Variants in ZNF485 observed in about 807,000 individuals in gnomAD.
ZNF485 encodes the protein Zinc finger protein 93 (Zinc finger protein HTF34).
A neutral mutation model predicts 10.8 loss-of-function variants in ZNF485; 9 were observed. The observed-to-expected ratio is 0.83, with a 90% CI of 0.50 to 1.45. The LOEUF (loss-of-function observed/expected upper bound fraction) is 1.45, where lower values mean the gene tolerates loss of function less well. Among genes scored for constraint, ZNF485 ranks in the 40% most tolerant of loss-of-function variants. The pLI is 0.00. For missense variants in ZNF485, 487 were observed against 528.0 expected (o/e 0.92, Z 0.76); for synonymous variants, 187 against 181.0 (o/e 1.03, Z -0.27).
At chr10:43,608,479 C>G in intron 2 of ZNF485, 135 bp from the exon 3 acceptor site, 1 of 1,163,004 alleles carries the variant, frequency 8.6e-7, no homozygotes, top group East Asian at 2.6e-5. Flanking sequence ...TCCCCTGAGC[C>G]CTCAGCTTTT....
chr10:43,608,325 A>T (rs1838694125), intron 2 of ZNF485, among the ~76,000 whole-genome samples: 1 of 152,194 alleles, frequency 6.6e-6, no homozygotes, highest in Non-Finnish European at 1.5e-5. Context: ...ATGGGTTTCG[A>T]GACTGAGTGG....
In ZNF485 at chr10:43,608,685, G is replaced by A; in HGVS notation, c.96G>A (p.Gln32=). ...AGTGGAGACACCTGGATGCTGCTCA[G>A]CGGGCCCTGTACAGGGATGTGATGC... ...RIEWRHLDAA[Q]RALYRDVMLE... The change falls in exon 3 of 5, where the codon CAG becomes CAA. Residue 32 remains glutamine, a synonymous_variant. Transcript: ENST00000361807. 1.2e-6 allele frequency: 2 copies of A among 1,614,128 alleles called. No homozygotes were observed. Among genetic ancestry groups the A allele is most frequent in the Middle Eastern group, 1.6e-4 (1 of 6,062 alleles).
In ZNF485 at chr10:43,609,390, C is replaced by T. The variant is rs371377688; in HGVS notation, c.247+40C>T. The stretch of plus-strand genomic sequence containing the variant: ...AACATCCCAGCAGAAGCTGAGCACA[C>T]GGAGCAGTACGGGGGTTCCTGAGTG... On this transcript the variant is annotated intron_variant, in intron 4 of 4. Coordinates refer to ENST00000361807, the MANE Select transcript of ZNF485 (RefSeq NM_145312.4). The T allele has an allele frequency of 1.3e-5, 19 of 1,511,350 alleles. No homozygotes were observed. In the Admixed American group the frequency reaches 1.7e-4, roughly 13 times the overall value. The allele number at this position is 1,511,350 out of a possible 1,614,324, so 93.6% of individuals were successfully genotyped here. A position where few individuals can be genotyped will look rare whatever the true frequency, so the allele number is the denominator to read the frequency against.
At chr10:43,614,899 C>G (rs1267644590) in intron 4 of ZNF485, among the ~76,000 whole-genome samples, 4 of 152,268 alleles carry the variant, frequency 2.6e-5, no homozygotes, top group East Asian at 1.9e-4. Context: ...AGAATCTCCT[C>G]TTCCTCACTG....
chr10:43,606,491 G>A lies in ZNF485; in HGVS notation c.-110G>A, dbSNP rs1214239528. 2 of 377,664 alleles carry A rather than the reference G, an allele frequency of 5.3e-6. No individual in the cohort carries two copies. The highest frequency in any genetic ancestry group is 8.0e-5 in the Admixed American group (2 of 24,872). The allele number at this position is 377,664 out of a possible 1,614,324, so 23.4% of individuals were successfully genotyped here. On this transcript the variant is annotated 5_prime_UTR_variant, in exon 1 of 5. Coordinates refer to ENST00000361807, the MANE Select transcript of ZNF485 (RefSeq NM_145312.4). ...CTGGTGGTTACTGTCCGAACGGCGT[G>A]GTGTGGTCGCTGACTCTCTGGGCGT...
intron 4 of ZNF485, 70 bp from the exon 5 acceptor site, chr10:43,616,221 G>A (rs1295909290): frequency 8.0e-7 from 1 of 1,250,786 alleles, no homozygotes; most frequent in Admixed American, 2.3e-5. Flanking sequence ...CATTATTCAA[G>A]TCCTTGCACA....
intron 4 of ZNF485, among the ~76,000 whole-genome samples, chr10:43,611,014 G>C (rs935082415): frequency 2.6e-5 from 4 of 151,982 alleles, no homozygotes; most frequent in Admixed American, 2.6e-4. Context: ...ATTGTTTAGA[G>C]CTTCTCTCTC....
chr10:43,616,347 G>A lies in ZNF485; in HGVS notation c.304G>A (p.Ala102Thr), dbSNP rs1461653876. The change falls in exon 5 of 5, where the codon GCA becomes ACA. Residue 102 changes from alanine (A) to threonine (T), a missense_variant. Physicochemically the swap from Ala to Thr is moderately conservative, Grantham distance 58. Coordinates refer to ENST00000361807, the MANE Select transcript of ZNF485 (RefSeq NM_145312.4). Reference protein sequence around the residue: ...MSALKQSTSEASVLGERTKSV... With the variant: ...MSALKQSTSETSVLGERTKSV... ...AGCCCTAAAGCAAAGCACTTCTGAA[G>A]CATCTGTTCTGGGAGAGCGAACGAA... 3.1e-6 allele frequency: 5 copies of A among 1,610,370 alleles called. No individual in the cohort carries two copies. In the East Asian group the frequency reaches 1.1e-4, roughly 36 times the overall value.
intron 2 of ZNF485, 150 bp from the exon 3 acceptor site, chr10:43,608,464 G>C (rs569431170): frequency 2.0e-6 from 2 of 1,006,348 alleles, no homozygotes; most frequent in Admixed American, 5.4e-5. Context: ...GGGAGGAGTC[G>C]CACATCCCCT....
At chr10:43,607,779 C>T (rs778888984) in intron 2 of ZNF485, among the ~76,000 whole-genome samples, 13 of 152,244 alleles carry the variant, frequency 8.5e-5, no homozygotes, top group African/African-American at 2.9e-4. Context: ...TTAAGGCTTA[C>T]TCATTTTTTC....
intron 4 of ZNF485, among the ~76,000 whole-genome samples, chr10:43,609,703 A>T (rs1359409356): frequency 6.6e-6 from 1 of 151,374 alleles, no homozygotes; most frequent in Non-Finnish European, 1.5e-5. Context: ...ATATTTTTTG[A>T]GACAGTCTCG....
Position 43,617,165 on chromosome 10 carries a change from A to C in ZNF485, c.1122A>C (p.Arg374Ser). ...GCTCAACCCTTACTGGACATCAGAG[A>C]ATTCATACTGGAGAAAAACCCTATC... ...TKSSTLTGHQ[R>S]IHTGEKPYHC... The change falls in exon 5 of 5, where the codon AGA (arginine) becomes AGC (serine). Residue 374 changes from arginine to serine, a missense_variant. Coordinates refer to ENST00000361807, the MANE Select transcript of ZNF485 (RefSeq NM_145312.4). 6.2e-7 allele frequency: 1 copy of C among 1,614,214 alleles called. No homozygotes were observed. Among genetic ancestry groups the C allele is most frequent in the Non-Finnish European group, 8.5e-7 (1 of 1,180,036 alleles).
chr10:43,609,401 G>C, intron 4 of ZNF485, 51 bp downstream of exon 4: 1 of 1,446,378 alleles, frequency 6.9e-7, no homozygotes, highest in Non-Finnish European at 9.6e-7. Flanking sequence ...GGAGCAGTAC[G>C]GGGGTTCCTG....
chr10:43,616,375 G>A lies in ZNF485; in HGVS notation c.332G>A (p.Ser111Asn), dbSNP rs142192121. ...EASVLGERTK[S>N]VMMEKGLDWE... ...TCTGTTCTGGGAGAGCGAACGAAAA[G>A]TGTCATGATGGAAAAAGGCCTGGAC... Residue 111 changes from serine to asparagine, a missense_variant, in exon 5 of 5, where the codon AGT becomes AAT. By Grantham distance (46) the Ser-to-Asn change is conservative. Transcript: ENST00000361807. 18 of 1,613,994 alleles carry A rather than the reference G, an allele frequency of 1.1e-5. No individual in the cohort carries two copies. In the African/African-American group the frequency reaches 2.0e-4, roughly 18 times the overall value.
chr10:43,613,762 C>A lies in ZNF485; in HGVS notation c.248-2529C>A, dbSNP rs117015374. ...TCAGATAATCTTCCAGAGTTTTGTT[C>A]CCAGTTATACTCCTTCATCAGTGTG... is the stretch of plus-strand genomic sequence containing the variant. On this transcript the variant is annotated intron_variant, in intron 4 of 4. Transcript: ENST00000361807. Among the ~76,000 whole-genome samples the A allele has an allele frequency of 7.2e-3, 1,093 of 152,300 alleles. 8 individuals are homozygous for A. The highest frequency in any genetic ancestry group is 0.012 in the Non-Finnish European group (831 of 68,034).
In ZNF485 at chr10:43,617,102, G is replaced by T. The variant is rs141606024; in HGVS notation, c.1059G>T (p.Pro353=). Residue 353 remains proline (P), a synonymous_variant, in exon 5 of 5, where the codon CCG becomes CCT. Transcript: ENST00000361807. ...GHQKTHSGNK[P]YQCRDCGKAF... ...AGAAAACTCACAGTGGAAATAAACC[G>T]TATCAGTGTCGTGACTGTGGGAAGG... The T allele has an allele frequency of 6.2e-7, 1 of 1,614,038 alleles. No homozygotes were observed. Among genetic ancestry groups the T allele is most frequent in the Non-Finnish European group, 8.5e-7 (1 of 1,179,984 alleles).
intron 4 of ZNF485, among the ~76,000 whole-genome samples, chr10:43,615,536 G>T (rs1277836873): frequency 6.6e-6 from 1 of 151,970 alleles, no homozygotes; most frequent in Non-Finnish European, 1.5e-5. Flanking sequence ...CGAGTAGCTG[G>T]GATTAAAGGC....
chr10:43,611,588 G>T (rs912063694), intron 4 of ZNF485, among the ~76,000 whole-genome samples: 2 of 152,032 alleles, frequency 1.3e-5, no homozygotes, highest in African/African-American at 4.8e-5. Flanking sequence ...GGGTATTTCC[G>T]CTATTCATAA....
At chr10:43,610,094 G>A (rs1336772950) in intron 4 of ZNF485, among the ~76,000 whole-genome samples, 1 of 152,114 alleles carries the variant, frequency 6.6e-6, no homozygotes, top group Non-Finnish European at 1.5e-5. Flanking sequence ...TGGTTTTTTA[G>A]CTCTCAGGTA....
Sources: allele counts gnomAD v4.1 joint callset (sites outside exome capture counted in the v4.1 genomes callset), GRCh38; gene constraint gnomAD v4.1.1; transcripts MANE v1.5; gene names NCBI Gene and HGNC (gene_info 2026-07-23, HGNC 2026-07-21).